RHPN2: variants seen among roughly 807,000 people sequenced by gnomAD.
RHPN2 encodes rhophilin-2.
RHPN2 carries 40 observed loss-of-function variants against 79.0 expected under a neutral mutation model. The ratio of observed to expected loss-of-function variants is 0.51; its 90% CI spans 0.39 to 0.66. The LOEUF (loss-of-function observed/expected upper bound fraction) is 0.66, where lower values mean the gene tolerates loss of function less well. Among genes scored for constraint, RHPN2 ranks in the 30% least tolerant of loss-of-function variants. The pLI is 0.00. For missense variants in RHPN2, 686 were observed against 883.5 expected, an observed-to-expected ratio of 0.78 and a Z score of 2.83; for synonymous variants, 285 against 363.5, an observed-to-expected ratio of 0.78 and a Z score of 2.46.
Position 33,052,939 on chromosome 19 carries a change from G to A in RHPN2, c.70-8575C>T, listed in dbSNP as rs1485535487. On this transcript the variant is annotated intron_variant, in intron 1 of 14. Transcript: ENST00000254260. ...AGAAATCTCTATAAACCCCTACTGT[G>A]TGCCAATCACAGTTATTTTTCAATA... 2.0e-5 allele frequency among the ~76,000 whole-genome samples: 3 copies of A among 151,986 alleles called. No homozygotes were observed. The East Asian group carries it at 5.8e-4, about 30-fold the overall frequency.
At chr19:33,043,795 T>C (rs1417548795) in intron 2 of RHPN2, among the ~76,000 whole-genome samples, 1 of 152,192 alleles carries the variant, frequency 6.6e-6, no homozygotes, top group Non-Finnish European at 1.5e-5. Flanking sequence ...GGGGGTGTAC[T>C]GAGCCCTCTC....
At chr19:33,021,105 A>T (rs10404307) in intron 4 of RHPN2, among the ~76,000 whole-genome samples, 2,618 of 152,262 alleles carry the variant, frequency 0.017, 57 homozygotes, top group African/African-American at 0.046. Context: ...ATTTCAAAGC[A>T]TGTCCACTAC....
intron 1 of RHPN2, among the ~76,000 whole-genome samples, chr19:33,045,795 A>C (rs1972138112): frequency 6.6e-6 from 1 of 151,810 alleles, no homozygotes; most frequent in Non-Finnish European, 1.5e-5. Context: ...ATTTTAGAAC[A>C]TTTTCATCAG....
Position 33,064,797 on chromosome 19 carries a change from C to A in RHPN2, c.56G>T (p.Gly19Val), listed in dbSNP as rs1221175986. 7.4e-7 allele frequency: 1 copy of A among 1,345,276 alleles called. No homozygotes were observed. Among genetic ancestry groups the A allele is most frequent in the Non-Finnish European group, 9.7e-7 (1 of 1,032,300 alleles). 83.3% of individuals were successfully genotyped at this position (1,345,276 alleles called of 1,614,324 possible). A position where few individuals can be genotyped will look rare whatever the true frequency, so the allele number is the denominator to read the frequency against. The part of the protein sequence containing the change: ...APQPLEKEND[G>V]YFRKGCNPLA... Reference sequence around the variant, plus strand: ...GAAGCCGCCCACCTTCCGAAAGTAGCCGTCGTTCTCCTTCTCCAGCGGCTG... The same window carrying A: ...GAAGCCGCCCACCTTCCGAAAGTAGACGTCGTTCTCCTTCTCCAGCGGCTG... The change falls in exon 1 of 15, where the codon GGC (glycine) becomes GTC (valine). Residue 19 changes from glycine (G) to valine (V), a missense_variant. Coordinates refer to ENST00000254260, the MANE Select transcript of RHPN2 (RefSeq NM_033103.5).
At chr19:32,999,331 G>T (rs1360026770) in intron 10 of RHPN2, among the ~76,000 whole-genome samples, 1 of 152,108 alleles carries the variant, frequency 6.6e-6, no homozygotes, top group Admixed American at 6.6e-5. Context: ...CCACCCTGTG[G>T]ACCCCAAGGG....
Position 32,999,690 on chromosome 19 carries a change from T to A in RHPN2, c.1121A>T (p.Asp374Val), listed in dbSNP as rs752868507. ...CAGGCACTTCTCCTGGTGGTCCAGA[T>A]CCGTGCCTGGCTTCACTGCAAAGAG... ...LIDHQVKPGT[D>V]LDHQEKCLSQ... The change falls in exon 10 of 15, where the codon GAT (aspartate) becomes GTT (valine). Residue 374 changes from aspartate to valine, a missense_variant. Transcript: ENST00000254260. 6.2e-7 allele frequency: 1 copy of A among 1,612,530 alleles called. No homozygotes were observed. Among genetic ancestry groups the A allele is most frequent in the African/African-American group, 1.3e-5 (1 of 74,872 alleles).
At position 33,003,016 on chromosome 19, in the gene RHPN2, G is replaced by A. The variant is rs1330822359; in HGVS notation, c.761-16C>T. On this transcript the variant is annotated splice_polypyrimidine_tract_variant and intron_variant, in intron 7 of 14. Transcript: ENST00000254260. ...TTTAAAACCCCTAAAAGTGGAAAAT[G>A]TTTTGCCCATTAGTTCGGGTTCATA... 16 of 1,612,574 alleles carry A rather than the reference G, an allele frequency of 9.9e-6. No homozygotes were observed. The highest frequency in any genetic ancestry group is 1.4e-5 in the Non-Finnish European group (16 of 1,178,948).
chr19:33,046,489 A>G (rs1972143944), intron 1 of RHPN2, among the ~76,000 whole-genome samples: 1 of 151,560 alleles, frequency 6.6e-6, no homozygotes, highest in Admixed American at 6.6e-5. Flanking sequence ...GTGATCTCAA[A>G]CTCCTGACCT....
At chr19:32,991,690 C>A in intron 13 of RHPN2, 133 bp downstream of exon 13, 3 of 1,060,666 alleles carry the variant, frequency 2.8e-6, no homozygotes, top group Non-Finnish European at 4.2e-6. Context: ...AAAATTAATC[C>A]TTTTCTTTTA....
chr19:33,002,450 C>T (rs1476628343), intron 8 of RHPN2, 47 bp from the exon 9 acceptor site: 2 of 1,609,928 alleles, frequency 1.2e-6, no homozygotes, highest in South Asian at 2.2e-5. Flanking sequence ...CACAAGGGCC[C>T]TCATGAACCC....
At chr19:33,059,181 G>A (rs1201185789) in intron 1 of RHPN2, among the ~76,000 whole-genome samples, 2 of 151,946 alleles carry the variant, frequency 1.3e-5, no homozygotes, top group African/African-American at 4.8e-5. Context: ...AATCAATGCA[G>A]CAGCTGTTGG....
chr19:33,031,206 ATTCT>A (rs71340524), intron 2 of RHPN2, among the ~76,000 whole-genome samples: 49 of 131,226 alleles, frequency 3.7e-4, no homozygotes, highest in South Asian at 1.0e-3. Context: ...ATTCTATTCT[ATTCT>A]TTCTATTCTA....
In RHPN2 at chr19:32,990,597, C is replaced by T. The variant is rs1395311474; in HGVS notation, c.1717G>A (p.Glu573Lys). The T allele has an allele frequency of 1.2e-6, 2 of 1,613,842 alleles. No individual in the cohort carries two copies. Among genetic ancestry groups the T allele is most frequent in the Non-Finnish European group, 1.7e-6 (2 of 1,179,886 alleles). ...LVDCKWLTLSEVMKLLKSFGE... is the reference protein window; with the variant it reads ...LVDCKWLTLSKVMKLLKSFGE... ...AAGCTCTTCAGCAGCTTCATAACCT[C>T]ACTCAGCGTCAGCCACTTACAATCC... The change falls in exon 14 of 15, where the codon GAG becomes AAG. Residue 573 changes from glutamate (E) to lysine (K), a missense_variant. Transcript: ENST00000254260.
At chr19:33,036,904 C>G (rs888356294) in intron 2 of RHPN2, among the ~76,000 whole-genome samples, 2 of 145,960 alleles carry the variant, frequency 1.4e-5, no homozygotes, top group Admixed American at 1.3e-4. Context: ...TCCTGTGTAG[C>G]CCGAGCCTCC....
intron 14 of RHPN2, among the ~76,000 whole-genome samples, chr19:32,985,812 A>G (rs986991383): frequency 3.9e-5 from 6 of 152,118 alleles, no homozygotes; most frequent in Non-Finnish European, 5.9e-5. Context: ...TTGTATTTTT[A>G]GTAGAGACAG....
At chr19:33,035,894 AC>A (rs1972051868) in intron 2 of RHPN2, among the ~76,000 whole-genome samples, 1 of 152,142 alleles carries the variant, frequency 6.6e-6, no homozygotes, top group Admixed American at 6.6e-5. Flanking sequence ...AGGTGGGCAG[AC>A]CACCAGGTCA....
At position 33,013,208 on chromosome 19, in the gene RHPN2, AC is replaced by A. The variant is rs1372482949; in HGVS notation, c.391-485del. ...TTTTTTAAAAAAACAAAAACAAAAAACAAAAAACAGAGTTTCACTCCTGTTG... is the reference window on the plus strand; with the variant it reads ...TTTTTTAAAAAAACAAAAACAAAAAAAAAAAACAGAGTTTCACTCCTGTTG... On this transcript the variant is annotated intron_variant, in intron 4 of 14. Transcript: ENST00000254260. 9.4e-3 allele frequency among the ~76,000 whole-genome samples: 733 copies of A among 78,388 alleles called. 10 individuals are homozygous for A. The highest frequency in any genetic ancestry group is 0.044 in the African/African-American group (684 of 15,384). 51.4% of individuals were successfully genotyped at this position (78,388 alleles called of 152,430 possible).
chr19:33,016,538 G>C (rs550157665), intron 4 of RHPN2, among the ~76,000 whole-genome samples: 23 of 152,182 alleles, frequency 1.5e-4, no homozygotes, highest in Admixed American at 1.4e-3. Flanking sequence ...AAAATTAGCT[G>C]GGTGTGGTGG....
At chr19:33,032,385 C>T (rs1972020488) in intron 2 of RHPN2, among the ~76,000 whole-genome samples, 1 of 152,076 alleles carries the variant, frequency 6.6e-6, no homozygotes, top group South Asian at 2.1e-4. Flanking sequence ...TGACTGAGCT[C>T]GATCTCCAGC....
Sources: allele counts gnomAD v4.1 joint callset (sites outside exome capture counted in the v4.1 genomes callset), GRCh38; gene constraint gnomAD v4.1.1; transcripts MANE v1.5; gene names NCBI Gene and HGNC (gene_info 2026-07-23, HGNC 2026-07-21).